The following GNB4 variants were observed in gnomAD, a reference collection of about 807,000 sequenced individuals.
GNB4 encodes the protein G protein subunit beta 4.
A neutral mutation model predicts 45.2 loss-of-function variants in GNB4; 28 were observed. That is an observed-to-expected ratio of 0.62 (90% CI 0.46 to 0.85). The LOEUF is 0.85. GNB4 is among the 40% of genes least tolerant of loss of function. The pLI, the probability that GNB4 is intolerant of heterozygous loss-of-function variation, is 0.00. For missense variants in GNB4, 321 were observed against 425.4 expected (o/e 0.75, Z 2.16); for synonymous variants, 132 against 143.7 (o/e 0.92, Z 0.58).
the GNB4 span, among the ~76,000 whole-genome samples, chr3:179,485,644 A>T: frequency 6.6e-6 from 1 of 152,180 alleles, no homozygotes; most frequent in Admixed American, 6.5e-5. Flanking sequence ...CTTGCAATAC[A>T]TAAAACTCAG....
the GNB4 span, among the ~76,000 whole-genome samples, chr3:179,460,963 A>C: frequency 6.6e-6 from 1 of 152,244 alleles, no homozygotes; most frequent in Admixed American, 6.5e-5. Flanking sequence ...ATCAATGGTC[A>C]CCATCGACTC....
intron 1 of GNB4, among the ~76,000 whole-genome samples, chr3:179,426,972 C>CA (rs1286541791): frequency 6.6e-6 from 1 of 152,016 alleles, no homozygotes; most frequent in Non-Finnish European, 1.5e-5. Flanking sequence ...GACCCTGTAT[C>CA]ATTACACACA....
At chr3:179,475,341 G>T in the GNB4 span, among the ~76,000 whole-genome samples, 1 of 151,714 alleles carries the variant, frequency 6.6e-6, no homozygotes, top group Non-Finnish European at 1.5e-5. Flanking sequence ...GGAAAGTCTT[G>T]ATCTCCTGAC....
chr3:179,458,702 CT>C, the GNB4 span, among the ~76,000 whole-genome samples: 1 of 152,022 alleles, frequency 6.6e-6, no homozygotes. Flanking sequence ...AATATAAATG[CT>C]GTGTAAATAG....
chr3:179,432,242 G>A (rs545536588), intron 1 of GNB4, among the ~76,000 whole-genome samples: 5 of 152,246 alleles, frequency 3.3e-5, no homozygotes, highest in South Asian at 2.1e-4. Context: ...CCAGACAACC[G>A]CAACCTTTCT....
chr3:179,449,739 TAGTC>T (rs1321832385), intron 1 of GNB4, among the ~76,000 whole-genome samples: 1 of 152,214 alleles, frequency 6.6e-6, no homozygotes, highest in Admixed American at 6.5e-5. Context: ...CAGATTAAAA[TAGTC>T]AGCAAGGTAA....
chr3:179,405,108 C>A, intron 9 of GNB4, 82 bp downstream of exon 9: 4 of 941,402 alleles, frequency 4.2e-6, no homozygotes, highest in Non-Finnish European at 6.5e-6. Context: ...TCCAAGATGT[C>A]CATGGAGGCC....
intron 1 of GNB4, among the ~76,000 whole-genome samples, chr3:179,430,505 T>G (rs1169381447): frequency 2.0e-5 from 3 of 152,000 alleles, no homozygotes; most frequent in Non-Finnish European, 2.9e-5. Context: ...CAGGCTGGAG[T>G]GCAGCAGCAC....
the GNB4 span, among the ~76,000 whole-genome samples, chr3:179,468,574 G>A: frequency 2.0e-5 from 3 of 151,912 alleles, no homozygotes; most frequent in East Asian, 1.9e-4. Context: ...GTGGGTAGTC[G>A]GACATGCATC....
the GNB4 span, among the ~76,000 whole-genome samples, chr3:179,485,650 C>T: frequency 6.6e-6 from 1 of 152,124 alleles, no homozygotes; most frequent in Admixed American, 6.6e-5. Flanking sequence ...ATACATAAAA[C>T]TCAGTGTCAG....
intron 8 of GNB4, among the ~76,000 whole-genome samples, chr3:179,408,197 T>C (rs1714534141): frequency 6.6e-6 from 1 of 151,098 alleles, no homozygotes; most frequent in African/African-American, 2.4e-5. Flanking sequence ...GACCTATAAT[T>C]AGGAGAAAAA....
intron 1 of GNB4, among the ~76,000 whole-genome samples, chr3:179,428,363 T>C (rs1378231025): frequency 2.0e-5 from 3 of 152,206 alleles, no homozygotes; most frequent in Admixed American, 2.0e-4. Context: ...CAATTTAGTA[T>C]GCATCTCAGA....
the GNB4 span, chr3:179,464,643 G>A: frequency 1.7e-6 from 2 of 1,142,880 alleles, no homozygotes; most frequent in Admixed American, 1.7e-5. Context: ...AATCAACAGT[G>A]AGACAATTGT....
the GNB4 span, among the ~76,000 whole-genome samples, chr3:179,494,651 T>A: frequency 6.6e-6 from 1 of 151,894 alleles, no homozygotes; most frequent in Non-Finnish European, 1.5e-5. Context: ...GGCTCACGCC[T>A]GTAATCCCAG....
chr3:179,423,277 C>G (rs1715047180), intron 2 of GNB4, among the ~76,000 whole-genome samples: 1 of 152,132 alleles, frequency 6.6e-6, no homozygotes. Context: ...TAGGTACAAA[C>G]AGTAGGGGCA....
chr3:179,426,061 T>C, intron 2 of GNB4, 83 bp downstream of exon 2: 1 of 1,025,718 alleles, frequency 9.7e-7, no homozygotes, highest in Non-Finnish European at 1.5e-6. Flanking sequence ...AATCATTTAA[T>C]ATAGACTGAT....
chr3:179,452,668 A>AC (rs549264720), upstream of GNB4, among the ~76,000 whole-genome samples: 20 of 152,204 alleles, frequency 1.3e-4, no homozygotes, highest in Non-Finnish European at 2.5e-4. Flanking sequence ...CCAGGCCGTG[A>AC]CAAAAATAGA....
intron 1 of GNB4, among the ~76,000 whole-genome samples, chr3:179,441,568 T>C (rs1715593820): frequency 6.6e-6 from 1 of 151,764 alleles, no homozygotes; most frequent in Non-Finnish European, 1.5e-5. Context: ...ACCCTGTGTT[T>C]ACTAAAAATA....
At chr3:179,435,111 T>G (rs1347717957) in intron 1 of GNB4, among the ~76,000 whole-genome samples, 1 of 152,100 alleles carries the variant, frequency 6.6e-6, no homozygotes, top group African/African-American at 2.4e-5. Context: ...AATAACTTGC[T>G]TAAGAATAGA....
Sources: allele counts gnomAD v4.1 joint callset (sites outside exome capture counted in the v4.1 genomes callset), GRCh38; gene constraint gnomAD v4.1.1; transcripts MANE v1.5; gene names NCBI Gene and HGNC (gene_info 2026-07-23, HGNC 2026-07-21).